AOC2: variants seen among roughly 807,000 people sequenced by gnomAD.
AOC2 encodes amine oxidase [copper-containing] 2.
AOC2 carries 57 observed loss-of-function variants against 53.8 expected under a neutral mutation model. That is an observed-to-expected ratio of 1.06 (90% CI 0.86 to 1.32). The LOEUF (loss-of-function observed/expected upper bound fraction) is 1.32, where lower values mean the gene tolerates loss of function less well. Among genes scored for constraint, AOC2 ranks in the 40% most tolerant of loss-of-function variants. The pLI is 0.00. For missense variants in AOC2, 1,008 were observed against 957.2 expected, an observed-to-expected ratio of 1.05 and a Z score of -0.70; for synonymous variants, 404 against 399.0, an observed-to-expected ratio of 1.01 and a Z score of -0.15.
rs757133064 is a variant in AOC2, at chr17:42,844,832, GC to G, written c.207del (p.Leu71Ter). The G allele has an allele frequency of 3.7e-6, 6 of 1,612,992 alleles. No homozygotes were observed. Among genetic ancestry groups the G allele is most frequent in the Non-Finnish European group, 5.1e-6 (6 of 1,179,144 alleles). ...CGAGAGGAGTTGACAGCTGTGATGCGCTTTCTGACCCAGCGGCTGGGGCCAG... is the reference window on the plus strand; with the variant it reads ...CGAGAGGAGTTGACAGCTGTGATGCGTTTCTGACCCAGCGGCTGGGGCCAG... ...LSREELTAVM[R>X]FLTQRLGPGL... On this transcript the variant is annotated frameshift_variant, in exon 1 of 4. Coordinates refer to ENST00000253799, the MANE Select transcript of AOC2 (RefSeq NM_009590.4). LOFTEE classifies it high-confidence loss of function.
At position 42,848,974 on chromosome 17, in the gene AOC2, G is replaced by A. The variant is rs147746690; in HGVS notation, c.1589-112G>A. On this transcript the variant is annotated intron_variant, in intron 1 of 3. Transcript: ENST00000253799. ...GGCTCCCAGCACAGTGTGCTCTGAT[G>A]CTCTCTCTGCCTTTTGTCACACCAG... 5 of 1,172,924 alleles carry A rather than the reference G, an allele frequency of 4.3e-6. No individual in the cohort carries two copies. The African/African-American group carries it at 6.2e-5, about 15-fold the overall frequency. The allele number at this position is 1,172,924 out of a possible 1,614,324, so 72.7% of individuals were successfully genotyped here.
At position 42,849,320 on chromosome 17, in the gene AOC2, G is replaced by A; in HGVS notation, c.1823G>A (p.Gly608Asp). The change falls in exon 2 of 4, where the codon GGC (glycine) becomes GAC (aspartate). Residue 608 changes from glycine to aspartate, a missense_variant. Physicochemically the swap from Gly to Asp is moderately conservative, Grantham distance 94. Coordinates refer to ENST00000253799, the MANE Select transcript of AOC2 (RefSeq NM_009590.4). ...CGAATCCAGATCCACAGCCCCCTTG[G>A]CATACACATACCCCTGGAGAGTGAC... ...GYRIQIHSPL[G>D]IHIPLESDME... 2 of 1,614,168 alleles carry A rather than the reference G, an allele frequency of 1.2e-6. No individual in the cohort carries two copies. The highest frequency in any genetic ancestry group is 1.7e-6 in the Non-Finnish European group (2 of 1,180,028).
Position 42,844,954 on chromosome 17 carries a change from G to A in AOC2, c.328G>A (p.Asp110Asn). Residue 110 changes from aspartate to asparagine, a missense_variant, in exon 1 of 4, where the codon GAC becomes AAC. By Grantham distance (23) the Asp-to-Asn change is conservative. Coordinates refer to ENST00000253799, the MANE Select transcript of AOC2 (RefSeq NM_009590.4). ...PPKAAALAHLDRGSPPPAREA... is the reference protein window; with the variant it reads ...PPKAAALAHLNRGSPPPAREA... ...CAAGGCTGCAGCCCTGGCCCACCTG[G>A]ACAGGGGGAGCCCCCCACCTGCCCG... 6.2e-7 allele frequency: 1 copy of A among 1,611,784 alleles called. No individual in the cohort carries two copies. The highest frequency in any genetic ancestry group is 8.5e-7 in the Non-Finnish European group (1 of 1,178,604).
In AOC2 at chr17:42,845,481, C is replaced by T. The variant is rs766612731; in HGVS notation, c.855C>T (p.Val285=). 4.3e-6 allele frequency: 7 copies of T among 1,614,130 alleles called. No homozygotes were observed. The South Asian group carries it at 7.7e-5, about 18-fold the overall frequency. ...FKSGRLEVVR[V]PLPPPNGASS... ...CTGGCCGGTTGGAAGTGGTTAGAGT[C>T]CCTCTACCTCCACCAAATGGAGCTT... The change falls in exon 1 of 4, where the codon GTC becomes GTT. Residue 285 remains valine, a synonymous_variant. Transcript: ENST00000253799.
At position 42,849,309 on chromosome 17, in the gene AOC2, C is replaced by T. The variant is rs769817783; in HGVS notation, c.1812C>T (p.His604=). Residue 604 remains histidine, a synonymous_variant, in exon 2 of 4, where the codon CAC becomes CAT. Transcript: ENST00000253799. ...GHQRGYRIQI[H]SPLGIHIPLE... ...AGCGCGGGTACCGAATCCAGATCCACAGCCCCCTTGGCATACACATACCCC... is the reference window on the plus strand; with the variant it reads ...AGCGCGGGTACCGAATCCAGATCCATAGCCCCCTTGGCATACACATACCCC... The T allele has an allele frequency of 6.2e-7, 1 of 1,614,230 alleles. No individual in the cohort carries two copies. Among genetic ancestry groups the T allele is most frequent in the Non-Finnish European group, 8.5e-7 (1 of 1,180,032 alleles).
In AOC2 at chr17:42,849,395, G is replaced by A. The variant is rs200870985; in HGVS notation, c.1874+24G>A. ...AGGTGAGGAGGGCCCTGGCCTGGGT[G>A]GAAGGAAAGGACAGCCCCTCCCCTG... On this transcript the variant is annotated intron_variant, in intron 2 of 3. Coordinates refer to ENST00000253799, the MANE Select transcript of AOC2 (RefSeq NM_009590.4). The A allele has an allele frequency of 4.4e-4, 699 of 1,603,174 alleles. 5 individuals are homozygous for A. In the African/African-American group the frequency reaches 8.5e-3, roughly 20 times the overall value.
intron 1 of AOC2, among the ~76,000 whole-genome samples, chr17:42,848,124 G>T (rs1195824576): frequency 2.2e-5 from 3 of 138,820 alleles, no homozygotes; most frequent in Non-Finnish European, 1.5e-5. Flanking sequence ...TACCCCAGCT[G>T]GTGTCCAGCA....
At chr17:42,848,068 T>TC (rs1422475996) in intron 1 of AOC2, among the ~76,000 whole-genome samples, 31 of 125,178 alleles carry the variant, frequency 2.5e-4, no homozygotes, top group African/African-American at 1.2e-3. Context: ...GCCCGGCCTT[T>TC]TTTTTTTTTT....
chr17:42,850,294 C>G lies in AOC2; in HGVS notation c.2217C>G (p.Pro739=), dbSNP rs773056749. ...GCATCAATCCTGTGGCCTGCCTCCC[C>G]GACCTGGCAGCCTGTGTCCCGGACT... ...LCSINPVACL[P]DLAACVPDLP... is the part of the protein sequence containing the mutation. Residue 739 remains proline (P), a synonymous_variant, in exon 4 of 4, where the codon CCC becomes CCG. Coordinates refer to ENST00000253799, the MANE Select transcript of AOC2 (RefSeq NM_009590.4). 208 of 1,613,410 alleles carry G rather than the reference C, an allele frequency of 1.3e-4. No individual in the cohort carries two copies. Among genetic ancestry groups the G allele is most frequent in the Non-Finnish European group, 1.7e-4 (198 of 1,179,486 alleles).
chr17:42,849,082 G>C lies in AOC2; in HGVS notation c.1589-4G>C. ...AACTCATCTCCTTTCCCTCCCCCTG[G>C]CAGGGCTGAAAAACTGGGTGGTAGC... On this transcript the variant is annotated splice_polypyrimidine_tract_variant and splice_region_variant and intron_variant, in intron 1 of 3. Transcript: ENST00000253799. The C allele has an allele frequency of 2.5e-6, 4 of 1,605,694 alleles. No individual in the cohort carries two copies. Among genetic ancestry groups the C allele is most frequent in the South Asian group, 1.1e-5 (1 of 90,616 alleles).
At position 42,845,890 on chromosome 17, in the gene AOC2, G is replaced by A; in HGVS notation, c.1264G>A (p.Ala422Thr). ...AGGGGCAGTCCAGCTGCTTCCAGGG[G>A]CTGTGTGTGTATTTGAGGAAGCCCA... ...GKGAVQLLPG[A>T]VCVFEEAQGL... The change falls in exon 1 of 4, where the codon GCT becomes ACT. Residue 422 changes from alanine (A) to threonine (T), a missense_variant. Ala to Thr is a moderately conservative substitution (Grantham distance 58, BLOSUM62 0). Coordinates refer to ENST00000253799, the MANE Select transcript of AOC2 (RefSeq NM_009590.4). The A allele has an allele frequency of 6.2e-7, 1 of 1,614,110 alleles. No homozygotes were observed.
chr17:42,844,775 C>G lies in AOC2; in HGVS notation c.149C>G (p.Pro50Arg), dbSNP rs1248063228. The change falls in exon 1 of 4, where the codon CCT (proline) becomes CGT (arginine). Residue 50 changes from proline to arginine, a missense_variant. Pro to Arg is a moderately radical substitution (Grantham distance 103). Coordinates refer to ENST00000253799, the MANE Select transcript of AOC2 (RefSeq NM_009590.4). ...CATAGGGCCCAGCCCTGGCCACACC[C>G]TGGCCAGAGCCAGCTGTTTGCAGAC... ...VSHRAQPWPHPGQSQLFADLS... is the reference protein window; with the variant it reads ...VSHRAQPWPHRGQSQLFADLS... 1 of 1,614,220 alleles carries G rather than the reference C, an allele frequency of 6.2e-7. No individual in the cohort carries two copies. Among genetic ancestry groups the G allele is most frequent in the South Asian group, 1.1e-5 (1 of 91,092 alleles).
Position 42,850,278 on chromosome 17 carries a change from C to T in AOC2, c.2201C>T (p.Pro734Leu), listed in dbSNP as rs2055642767. 1.2e-6 allele frequency: 2 copies of T among 1,613,942 alleles called. No homozygotes were observed. Among genetic ancestry groups the T allele is most frequent in the Non-Finnish European group, 1.7e-6 (2 of 1,179,816 alleles). ...GQDAGLCSIN[P>L]VACLPDLAAC... ...GATGCTGGGCTCTGCAGCATCAATC[C>T]TGTGGCCTGCCTCCCCGACCTGGCA... Residue 734 changes from proline to leucine, a missense_variant, in exon 4 of 4, where the codon CCT (proline) becomes CTT (leucine). Transcript: ENST00000253799.
Position 42,850,179 on chromosome 17 carries a change from T to C in AOC2, c.2102T>C (p.Leu701Pro). 1 of 1,614,158 alleles carries C rather than the reference T, an allele frequency of 6.2e-7. No homozygotes were observed. Among genetic ancestry groups the C allele is most frequent in the Non-Finnish European group, 8.5e-7 (1 of 1,180,040 alleles). Residue 701 changes from leucine to proline, a missense_variant, in exon 4 of 4, where the codon CTC becomes CCC. Leu to Pro is a moderately conservative substitution (Grantham distance 98). Coordinates refer to ENST00000253799, the MANE Select transcript of AOC2 (RefSeq NM_009590.4). ...VTLGNRVGFL[L>P]RPYNFFDEDP... is the part of the protein sequence containing the mutation. ...CTGGGGAACAGAGTTGGCTTCTTGC[T>C]CCGACCCTATAACTTCTTTGATGAG...
chr17:42,846,623 G>A (rs963032474), intron 1 of AOC2, among the ~76,000 whole-genome samples: 2 of 152,088 alleles, frequency 1.3e-5, no homozygotes, highest in African/African-American at 4.8e-5. Flanking sequence ...GTCCTGAGCC[G>A]AGGTCGGAAG....
chr17:42,849,590 T>C lies in AOC2; in HGVS notation c.1875-11T>C. On this transcript the variant is annotated splice_polypyrimidine_tract_variant and intron_variant, in intron 2 of 3. Transcript: ENST00000253799. ...ATTTCCCAAAACCACCTTCTTATGA[T>C]TCCTGGCCAGATACCAGCTTGTGGT... 6.2e-7 allele frequency: 1 copy of C among 1,614,218 alleles called. No homozygotes were observed. The highest frequency in any genetic ancestry group is 1.1e-5 in the South Asian group (1 of 91,082).
chr17:42,849,988 A>G, intron 3 of AOC2, 94 bp from the exon 4 acceptor site: 1 of 1,517,834 alleles, frequency 6.6e-7, no homozygotes, highest in African/African-American at 1.4e-5. Context: ...GGGAGAGTGG[A>G]AGCCAGGCTG....
intron 1 of AOC2, among the ~76,000 whole-genome samples, chr17:42,846,598 G>T (rs1416037341): frequency 6.6e-6 from 1 of 152,194 alleles, no homozygotes; most frequent in Non-Finnish European, 1.5e-5. Context: ...GGTCAGTAGG[G>T]GTGGGGAGGG....
Position 42,844,672 on chromosome 17 carries a change from A to G in AOC2, c.46A>G (p.Thr16Ala), listed in dbSNP as rs2055574504. The change falls in exon 1 of 4, where the codon ACC becomes GCC. Residue 16 changes from threonine to alanine, a missense_variant. Physicochemically the swap from Thr to Ala is moderately conservative, Grantham distance 58 (BLOSUM62 0). Transcript: ENST00000253799. The part of the protein sequence containing the change: ...VLAFLALSLI[T>A]IFALAYVLLT... Reference sequence around the variant, plus strand: ...GGCGTTCCTGGCACTGTCCCTCATTACCATCTTTGCCCTGGCCTATGTTTT... The same window carrying G: ...GGCGTTCCTGGCACTGTCCCTCATTGCCATCTTTGCCCTGGCCTATGTTTT... The G allele has an allele frequency of 1.2e-6, 2 of 1,613,942 alleles. No individual in the cohort carries two copies. Among genetic ancestry groups the G allele is most frequent in the Non-Finnish European group, 8.5e-7 (1 of 1,179,974 alleles).
Sources: allele counts gnomAD v4.1 joint callset (sites outside exome capture counted in the v4.1 genomes callset), GRCh38; gene constraint gnomAD v4.1.1; transcripts MANE v1.5; gene names NCBI Gene and HGNC (gene_info 2026-07-23, HGNC 2026-07-21).